The following CHP1 variants were observed in gnomAD, a reference collection of about 807,000 sequenced individuals.
CHP1 encodes the protein calcineurin B homologous protein 1.
CHP1 carries 11 observed loss-of-function variants against 27.4 expected under a neutral mutation model. The ratio of observed to expected loss-of-function variants is 0.40; its 90% CI spans 0.25 to 0.67. The LOEUF is 0.67. Ranked by LOEUF, CHP1 falls within the 30% of genes least tolerant of loss-of-function variation. The pLI is 0.38. For missense variants in CHP1, 169 were observed against 251.3 expected (o/e 0.67, Z 2.22); for synonymous variants, 89 against 87.4 (o/e 1.02, Z -0.10).
intron 4 of CHP1, among the ~76,000 whole-genome samples, chr15:41,269,292 T>A (rs1397038888): frequency 1.3e-5 from 2 of 152,198 alleles, no homozygotes; most frequent in African/African-American, 4.8e-5. Context: ...TCCTAGCTAC[T>A]TCCTTTCTCT....
intron 2 of CHP1, among the ~76,000 whole-genome samples, chr15:41,248,810 C>G (rs865818814): frequency 3.3e-5 from 5 of 152,128 alleles, no homozygotes; most frequent in African/African-American, 1.2e-4. Context: ...AAGAAATTAG[C>G]CAATTGTACC....
chr15:41,235,959 G>A (rs2047274795), intron 1 of CHP1, among the ~76,000 whole-genome samples: 3 of 152,216 alleles, frequency 2.0e-5, no homozygotes, highest in Middle Eastern at 3.4e-3. Context: ...TAAGTGATTT[G>A]TAAAGCTCTG....
At chr15:41,264,972 T>C (rs1464454233) in intron 4 of CHP1, among the ~76,000 whole-genome samples, 2 of 152,218 alleles carry the variant, frequency 1.3e-5, no homozygotes, top group African/African-American at 4.8e-5. Context: ...CAGGGCTGTA[T>C]AAGCTGTAGC....
At chr15:41,242,584 A>C (rs994912163) in intron 1 of CHP1, among the ~76,000 whole-genome samples, 1 of 151,860 alleles carries the variant, frequency 6.6e-6, no homozygotes, top group African/African-American at 2.4e-5. Flanking sequence ...GTACCACTGC[A>C]CTCCAGCCTG....
At chr15:41,234,477 T>C (rs1270933563) in intron 1 of CHP1, among the ~76,000 whole-genome samples, 2 of 152,204 alleles carry the variant, frequency 1.3e-5, no homozygotes, top group African/African-American at 4.8e-5. Flanking sequence ...AATTGAGGAA[T>C]ACTAAATTTA....
chr15:41,279,865 C>T lies in CHP1; in HGVS notation c.*476C>T, dbSNP rs1475267862. 1.9e-5 allele frequency: 3 copies of T among 154,904 alleles called. No individual in the cohort carries two copies. Among genetic ancestry groups the T allele is most frequent in the African/African-American group, 7.2e-5 (3 of 41,518 alleles). The allele number at this position is 154,904 out of a possible 1,614,324, so 9.6% of individuals were successfully genotyped here. On this transcript the variant is annotated 3_prime_UTR_variant, in exon 7 of 7. Coordinates refer to ENST00000334660, the MANE Select transcript of CHP1 (RefSeq NM_007236.5). ...CTGTTCACTTACTCTGGCAGTCTTT[C>T]TGCTTTTCATTAAGCCTCAAAATCT...
At chr15:41,264,195 T>A in intron 4 of CHP1, 1 of 1,280,564 alleles carries the variant, frequency 7.8e-7, no homozygotes, top group African/African-American at 1.5e-5. Context: ...TAGAGAGAGA[T>A]CGAGACTGAA....
intron 4 of CHP1, among the ~76,000 whole-genome samples, chr15:41,266,647 G>A (rs1420071513): frequency 6.6e-6 from 1 of 152,162 alleles, no homozygotes; most frequent in Non-Finnish European, 1.5e-5. Flanking sequence ...TCCATCGACA[G>A]ATGAATGGAT....
chr15:41,234,403 G>A (rs1595468959), intron 1 of CHP1, among the ~76,000 whole-genome samples: 2 of 152,246 alleles, frequency 1.3e-5, no homozygotes, highest in South Asian at 2.1e-4. Context: ...CTATCTATCA[G>A]AAGCACTTTA....
At chr15:41,245,772 G>T (rs774980491) in intron 2 of CHP1, among the ~76,000 whole-genome samples, 4 of 152,106 alleles carry the variant, frequency 2.6e-5, no homozygotes, top group African/African-American at 7.2e-5. Flanking sequence ...CACTCTCTTT[G>T]TAGTGTTCTT....
intron 2 of CHP1, among the ~76,000 whole-genome samples, chr15:41,252,743 T>C (rs147283915): frequency 3.2e-4 from 49 of 152,090 alleles, no homozygotes; most frequent in African/African-American, 1.1e-3. Flanking sequence ...CCACTCCCCA[T>C]TGGAAATTTC....
intron 6 of CHP1, 93 bp from the exon 7 acceptor site, chr15:41,279,243 C>G: frequency 9.7e-7 from 1 of 1,027,222 alleles, no homozygotes; most frequent in East Asian, 2.4e-5. Context: ...TTTTACTGCA[C>G]AGGAGGAAGG....
chr15:41,258,181 G>A (rs1156430318), intron 3 of CHP1, among the ~76,000 whole-genome samples: 2 of 152,076 alleles, frequency 1.3e-5, no homozygotes, highest in African/African-American at 2.4e-5. Context: ...TTTTGTGTAT[G>A]TGTGTTCACA....
intron 6 of CHP1, 84 bp from the exon 7 acceptor site, chr15:41,279,251 AG>A (rs2047534268): frequency 3.6e-6 from 4 of 1,103,594 alleles, no homozygotes; most frequent in Non-Finnish European, 5.5e-6. Context: ...CACAGGAGGA[AG>A]GGGGGAAAAC....
chr15:41,231,952 A>C (rs1458632361), intron 1 of CHP1, among the ~76,000 whole-genome samples: 1 of 152,090 alleles, frequency 6.6e-6, no homozygotes, highest in East Asian at 1.9e-4. Context: ...ACCGTGTAGT[A>C]AGGCTTTGGG....
At chr15:41,245,116 T>C (rs2047327633) in intron 2 of CHP1, among the ~76,000 whole-genome samples, 1 of 152,176 alleles carries the variant, frequency 6.6e-6, no homozygotes, top group Non-Finnish European at 1.5e-5. Flanking sequence ...ATCTACCTTC[T>C]TTTTCTCTCT....
At chr15:41,278,585 A>T (rs2047530900) in intron 5 of CHP1, among the ~76,000 whole-genome samples, 182 bp from the exon 6 acceptor site, 1 of 152,158 alleles carries the variant, frequency 6.6e-6, no homozygotes. Context: ...ACAGTATTAT[A>T]ATCTTATAGC....
intron 5 of CHP1, among the ~76,000 whole-genome samples, chr15:41,277,784 G>A (rs2047526481): frequency 3.2e-5 from 4 of 123,308 alleles, no homozygotes; most frequent in Middle Eastern, 4.3e-3. Context: ...GTGAAACTCC[G>A]CCTCAGGAAA....
chr15:41,243,175 A>C (rs2047315861), intron 1 of CHP1, among the ~76,000 whole-genome samples: 1 of 151,802 alleles, frequency 6.6e-6, no homozygotes, highest in Non-Finnish European at 1.5e-5. Flanking sequence ...CCCCGTCTCT[A>C]CTAAAAATAC....
Sources: gnomAD v4.1 joint callset for allele counts (sites outside exome capture counted in the v4.1 genomes callset) on GRCh38, gnomAD v4.1.1 for gene constraint, MANE v1.5 for transcripts, NCBI Gene and HGNC (gene_info 2026-07-23, HGNC 2026-07-21) for gene names.